Variants in RSPH14 observed in about 807,000 individuals in gnomAD.
RSPH14 encodes the protein radial spoke head 14 homolog, also known as rhabdoid tumor deletion region gene 1.
A neutral mutation model predicts 26.7 loss-of-function variants in RSPH14; 20 were observed. The observed-to-expected ratio is 0.75, with a 90% CI of 0.53 to 1.09. The LOEUF is 1.09. Among genes scored for constraint, RSPH14 ranks in the 50% least tolerant of loss-of-function variants. The pLI is 0.00. For missense variants in RSPH14, 449 were observed against 457.2 expected (o/e 0.98, Z 0.16); for synonymous variants, 177 against 189.3 (o/e 0.93, Z 0.53).
chr22:23,087,690 T>C (rs553472060), intron 4 of RSPH14, among the ~76,000 whole-genome samples: 11 of 152,244 alleles, frequency 7.2e-5, no homozygotes, highest in Non-Finnish European at 1.0e-4. Context: ...GGAGTGCTGA[T>C]TGGTCAGAGA....
At chr22:23,174,985 G>T in the RSPH14 span, among the ~76,000 whole-genome samples, 7 of 149,028 alleles carry the variant, frequency 4.7e-5, no homozygotes, top group Non-Finnish European at 1.0e-4. Flanking sequence ...AAGAAAAAAA[G>T]ATTGTAAAAA....
chr22:23,096,648 C>T (rs996075550), intron 4 of RSPH14, among the ~76,000 whole-genome samples: 3 of 152,152 alleles, frequency 2.0e-5, no homozygotes, highest in African/African-American at 7.2e-5. Flanking sequence ...GTGGAGGCCA[C>T]AGGGCAAGAG....
chr22:23,153,787 C>T, the RSPH14 span, among the ~76,000 whole-genome samples: 1 of 145,832 alleles, frequency 6.9e-6, no homozygotes, highest in East Asian at 2.2e-4. Context: ...ACCTCCACTT[C>T]AAGCGAATCA....
intron 1 of RSPH14, 43 bp downstream of exon 1, chr22:23,141,906 G>GC (rs1204876324): frequency 2.2e-6 from 2 of 891,816 alleles, no homozygotes; most frequent in Non-Finnish European, 2.7e-6. Flanking sequence ...GGGTCACTGG[G>GC]CCCCCCTGTC....
chr22:23,159,729 A>G, the RSPH14 span, among the ~76,000 whole-genome samples: 1 of 152,170 alleles, frequency 6.6e-6, no homozygotes, highest in African/African-American at 2.4e-5. Flanking sequence ...TGGCATAGAG[A>G]AGGGCCCAGT....
chr22:23,063,486 A>G (rs1184796165), intron 5 of RSPH14, among the ~76,000 whole-genome samples: 1 of 152,180 alleles, frequency 6.6e-6, no homozygotes, highest in Non-Finnish European at 1.5e-5. Context: ...GGTGTGAGAC[A>G]CAAGACACTG....
At chr22:23,062,072 G>A (rs781355830) in intron 5 of RSPH14, 127 bp from the exon 6 acceptor site, 117 of 1,155,066 alleles carry the variant, frequency 1.0e-4, no homozygotes, top group Non-Finnish European at 1.3e-4. Flanking sequence ...TCCCAGGACT[G>A]GTCCCCATGA....
chr22:23,150,301 TTTC>T, the RSPH14 span: 10 of 639,388 alleles, frequency 1.6e-5, no homozygotes, highest in South Asian at 1.9e-5. Context: ...TTCTTTTTTT[TTTC>T]TTTTTTTTTT....
At chr22:23,170,432 G>A in the RSPH14 span, among the ~76,000 whole-genome samples, 71,144 of 151,960 alleles carry the variant, frequency 0.47, 16,859 homozygotes, top group East Asian at 0.64. Context: ...ATTTGAGAGC[G>A]CTCTTCAGGG....
At chr22:23,131,448 A>T in intron 4 of RSPH14, 1 of 396,366 alleles carries the variant, frequency 2.5e-6, no homozygotes. Context: ...GACTGTACCT[A>T]TGATTTCTTC....
chr22:23,166,147 TAAAA>T, the RSPH14 span, among the ~76,000 whole-genome samples: 12,242 of 59,658 alleles, frequency 0.21, 1,409 homozygotes, highest in East Asian at 0.35. Flanking sequence ...CTCTGTCTTT[TAAAA>T]AAAAAAAAAA....
intron 4 of RSPH14, among the ~76,000 whole-genome samples, chr22:23,100,696 A>G (rs1297476511): frequency 6.6e-6 from 1 of 152,226 alleles, no homozygotes; most frequent in African/African-American, 2.4e-5. Flanking sequence ...AGGGCCTGGC[A>G]CACAGTGGGT....
At chr22:23,158,846 G>T in the RSPH14 span, 1 of 1,545,952 alleles carries the variant, frequency 6.5e-7, no homozygotes, top group Non-Finnish European at 8.9e-7. Flanking sequence ...TCTGCCCCCT[G>T]TTTGGGGTGG....
chr22:23,131,692 C>T (rs971930307), intron 4 of RSPH14: 1 of 1,265,880 alleles, frequency 7.9e-7, no homozygotes, highest in Non-Finnish European at 1.0e-6. Flanking sequence ...ATGGTGAGCA[C>T]AGGGCATTAA....
chr22:23,148,205 GAGA>G (rs1427246743), upstream of RSPH14, among the ~76,000 whole-genome samples: 1 of 152,164 alleles, frequency 6.6e-6, no homozygotes, highest in Non-Finnish European at 1.5e-5. Flanking sequence ...CACACCTACA[GAGA>G]AAGGCTTTGT....
the RSPH14 span, chr22:23,161,097 C>T: frequency 7.1e-7 from 1 of 1,412,294 alleles, no homozygotes; most frequent in Admixed American, 2.2e-5. Flanking sequence ...ATTTCCTGAA[C>T]TTGTGGCCCT....
At chr22:23,130,369 G>T (rs1225503348) in intron 4 of RSPH14, among the ~76,000 whole-genome samples, 1 of 150,806 alleles carries the variant, frequency 6.6e-6, no homozygotes, top group Admixed American at 6.6e-5. Context: ...GCAGGAGAAT[G>T]GCATGAACCC....
At chr22:23,084,068 T>C (rs1388685112) in intron 4 of RSPH14, among the ~76,000 whole-genome samples, 1 of 152,110 alleles carries the variant, frequency 6.6e-6, no homozygotes, top group Non-Finnish European at 1.5e-5. Flanking sequence ...AGGCGATCTT[T>C]CCCCAGAGGG....
At chr22:23,106,381 C>T (rs1320942990) in intron 4 of RSPH14, among the ~76,000 whole-genome samples, 1 of 152,240 alleles carries the variant, frequency 6.6e-6, no homozygotes, top group Admixed American at 6.5e-5. Flanking sequence ...GAGAGCTCTG[C>T]CCAGTGGGTG....
Sources: gnomAD v4.1 joint callset for allele counts (sites outside exome capture counted in the v4.1 genomes callset) on GRCh38, gnomAD v4.1.1 for gene constraint, MANE v1.5 for transcripts, NCBI Gene and HGNC (gene_info 2026-07-23, HGNC 2026-07-21) for gene names.